Variants in CHST11 observed in about 807,000 individuals in gnomAD.
The protein encoded by CHST11 is carbohydrate sulfotransferase 11.
A neutral mutation model predicts 30.4 loss-of-function variants in CHST11; 9 were observed. The observed-to-expected ratio is 0.30, with a 90% CI of 0.18 to 0.52. CHST11 has a LOEUF of 0.52. Ranked by LOEUF, CHST11 falls within the 20% of genes least tolerant of loss-of-function variation. The pLI is 0.97. For missense variants in CHST11, 348 were observed against 460.6 expected, an observed-to-expected ratio of 0.76 and a Z score of 2.24; for synonymous variants, 152 against 187.8, an observed-to-expected ratio of 0.81 and a Z score of 1.56.
intron 2 of CHST11, among the ~76,000 whole-genome samples, chr12:104,642,414 A>G (rs1368290056): frequency 4.6e-5 from 7 of 152,074 alleles, no homozygotes; most frequent in African/African-American, 7.2e-5. Flanking sequence ...ATTTTTTTAA[A>G]TTTTGAGACA....
intron 1 of CHST11, among the ~76,000 whole-genome samples, chr12:104,518,864 C>A (rs780703915): frequency 3.9e-5 from 6 of 151,932 alleles, no homozygotes; most frequent in Non-Finnish European, 5.9e-5. Flanking sequence ...CTGTGTAATT[C>A]TGAGGTTTAT....
At chr12:104,543,506 G>A (rs775014137) in intron 1 of CHST11, among the ~76,000 whole-genome samples, 3 of 152,118 alleles carry the variant, frequency 2.0e-5, no homozygotes, top group Non-Finnish European at 4.4e-5. Flanking sequence ...AGCTTTTTAT[G>A]CTTTTAAACT....
At chr12:104,558,942 G>T (rs772335038) in intron 1 of CHST11, among the ~76,000 whole-genome samples, 1 of 152,034 alleles carries the variant, frequency 6.6e-6, no homozygotes, top group Non-Finnish European at 1.5e-5. Context: ...TCCTAAGCAG[G>T]TGAGTAACAA....
intron 1 of CHST11, among the ~76,000 whole-genome samples, chr12:104,526,988 T>TGGACC: frequency 6.6e-6 from 1 of 152,182 alleles, no homozygotes; most frequent in East Asian, 1.9e-4. Context: ...CCTCCCAAAT[T>TGGACC]CCATTCTCCT....
intron 1 of CHST11, among the ~76,000 whole-genome samples, chr12:104,487,071 A>C (rs1487613116): frequency 6.6e-6 from 1 of 152,206 alleles, no homozygotes; most frequent in Non-Finnish European, 1.5e-5. Context: ...ATAAATGAAG[A>C]ACACAGGCTT....
Position 104,654,248 on chromosome 12 carries a change from T to G in CHST11, c.204+52257T>G, listed in dbSNP as rs2039521072. Among the ~76,000 whole-genome samples the G allele has an allele frequency of 3.3e-5, 5 of 152,162 alleles. No homozygotes were observed. The South Asian group carries it at 1.0e-3, about 31-fold the overall frequency. ...GGAGTCTTGGACAAATAAGCCCTGGTGTTCAGAATCATCCAAGCTGGTCCC... is the reference window on the plus strand; with the variant it reads ...GGAGTCTTGGACAAATAAGCCCTGGGGTTCAGAATCATCCAAGCTGGTCCC... On this transcript the variant is annotated intron_variant, in intron 2 of 2. Transcript: ENST00000303694.
chr12:104,650,511 A>G (rs2695998), intron 2 of CHST11, among the ~76,000 whole-genome samples: 23,954 of 152,128 alleles, frequency 0.16, 2,004 homozygotes, highest in Non-Finnish European at 0.17. Flanking sequence ...ACCTATGTCT[A>G]TGAGAGGAGT....
chr12:104,640,103 A>G (rs1295253200), intron 2 of CHST11, among the ~76,000 whole-genome samples: 1 of 152,256 alleles, frequency 6.6e-6, no homozygotes, highest in African/African-American at 2.4e-5. Flanking sequence ...ACATGGAGTA[A>G]CAGAAATCTC....
intron 1 of CHST11, among the ~76,000 whole-genome samples, chr12:104,521,079 C>T (rs1418158242): frequency 6.6e-6 from 1 of 152,180 alleles, no homozygotes; most frequent in East Asian, 1.9e-4. Flanking sequence ...AATAGTTGAT[C>T]TCAGTATCCT....
intron 1 of CHST11, among the ~76,000 whole-genome samples, chr12:104,572,584 A>G (rs370499626): frequency 2.0e-5 from 3 of 151,518 alleles, no homozygotes; most frequent in East Asian, 3.9e-4. Context: ...TTTTTATTGC[A>G]TCTATTTGAT....
intron 1 of CHST11, among the ~76,000 whole-genome samples, chr12:104,582,977 C>T (rs140270737): frequency 6.6e-6 from 1 of 152,130 alleles, no homozygotes; most frequent in East Asian, 1.9e-4. Flanking sequence ...CCTCTTGTAG[C>T]TGTAACCATT....
chr12:104,730,207 G>A (rs1034018205), intron 2 of CHST11, among the ~76,000 whole-genome samples: 9 of 152,230 alleles, frequency 5.9e-5, no homozygotes, highest in African/African-American at 2.2e-4. Flanking sequence ...GACCTGGGTT[G>A]GCATCCTGCC....
intron 1 of CHST11, among the ~76,000 whole-genome samples, chr12:104,536,380 C>T (rs1028969863): frequency 1.3e-5 from 2 of 152,204 alleles, no homozygotes; most frequent in African/African-American, 4.8e-5. Flanking sequence ...GTAAAGACTT[C>T]CTACTCAATG....
intron 2 of CHST11, among the ~76,000 whole-genome samples, chr12:104,725,052 A>G (rs2040206136): frequency 6.6e-6 from 1 of 152,028 alleles, no homozygotes; most frequent in Non-Finnish European, 1.5e-5. Flanking sequence ...TGCGAGCCCC[A>G]GTTCTGGTAT....
chr12:104,529,481 G>C (rs1441192712), intron 1 of CHST11, among the ~76,000 whole-genome samples: 1 of 152,202 alleles, frequency 6.6e-6, no homozygotes, highest in Non-Finnish European at 1.5e-5. Flanking sequence ...CTTTGACAGA[G>C]AGGCCCCAAA....
chr12:104,587,444 C>G lies in CHST11; in HGVS notation c.119-14462C>G, dbSNP rs111557700. On this transcript the variant is annotated intron_variant, in intron 1 of 2. Transcript: ENST00000303694. ...ATAGGGTCTCAAGCGGTTGCCCAGA[C>G]TAGAGTGCAGTGGCAGGATCATGGC... Among the ~76,000 whole-genome samples the G allele has an allele frequency of 9.6e-3, 1,461 of 152,312 alleles. 27 individuals carry two copies. The highest frequency in any genetic ancestry group is 0.033 in the African/African-American group (1,373 of 41,570).
intron 1 of CHST11, among the ~76,000 whole-genome samples, chr12:104,459,872 T>A (rs2037390687): frequency 6.6e-6 from 1 of 152,248 alleles, no homozygotes; most frequent in African/African-American, 2.4e-5. Flanking sequence ...AATACTACTT[T>A]CAAAACATTG....
At chr12:104,688,539 G>A (rs2039869191) in intron 2 of CHST11, among the ~76,000 whole-genome samples, 1 of 152,120 alleles carries the variant, frequency 6.6e-6, no homozygotes, top group Non-Finnish European at 1.5e-5. Flanking sequence ...CCTCTCACTT[G>A]TTTTGCTAGA....
At chr12:104,726,369 C>T (rs544769428) in intron 2 of CHST11, among the ~76,000 whole-genome samples, 2 of 151,990 alleles carry the variant, frequency 1.3e-5, no homozygotes, top group South Asian at 2.1e-4. Context: ...CTGGATCTGC[C>T]GTTGAGCATA....
Sources: gnomAD v4.1 joint callset for allele counts (sites outside exome capture counted in the v4.1 genomes callset) on GRCh38, gnomAD v4.1.1 for gene constraint, MANE v1.5 for transcripts, NCBI Gene and HGNC (gene_info 2026-07-23, HGNC 2026-07-21) for gene names.